The following GABRG2 variants were observed in gnomAD, a reference collection of about 807,000 sequenced individuals.
GABRG2 encodes gamma-aminobutyric acid type A receptor subunit gamma2, also known as gamma-aminobutyric acid receptor subunit gamma-2.
GABRG2 carries 16 observed loss-of-function variants against 56.4 expected under a neutral mutation model. That is an observed-to-expected ratio of 0.28 (90% CI 0.19 to 0.43). The LOEUF (loss-of-function observed/expected upper bound fraction) is 0.43. Among genes scored for constraint, GABRG2 ranks in the 20% least tolerant of loss-of-function variants. The pLI is 1.00. For synonymous variants in GABRG2, 208 were observed against 205.5 expected, an observed-to-expected ratio of 1.01 and a Z score of -0.10; for missense variants, 327 against 582.7, an observed-to-expected ratio of 0.56 and a Z score of 4.52.
chr5:162,142,111 G>A (rs2113597938), intron 6 of GABRG2, 53 bp from the exon 7 acceptor site: 1 of 1,580,062 alleles, frequency 6.3e-7, no homozygotes, highest in East Asian at 2.2e-5. Context: ...TAGTTTTAAT[G>A]TTTTCCAGTG....
chr5:162,096,062 C>T (rs1220589814), intron 3 of GABRG2, among the ~76,000 whole-genome samples: 1 of 151,588 alleles, frequency 6.6e-6, no homozygotes, highest in Non-Finnish European at 1.5e-5. Flanking sequence ...GAATGGAGTA[C>T]AACATAACAT....
intron 3 of GABRG2, 28 bp from the exon 4 acceptor site, chr5:162,097,610 T>C: frequency 6.7e-7 from 1 of 1,494,540 alleles, no homozygotes; most frequent in Admixed American, 1.7e-5. Flanking sequence ...TGTGTACAAA[T>C]TTTCTGTTTA....
chr5:162,138,237 T>C (rs1764286009), intron 6 of GABRG2, among the ~76,000 whole-genome samples: 1 of 152,226 alleles, frequency 6.6e-6, no homozygotes, highest in African/African-American at 2.4e-5. Context: ...TTTGGATCTT[T>C]GTTCCATCTT....
chr5:162,088,066 C>T (rs1760268221), intron 1 of GABRG2, among the ~76,000 whole-genome samples: 1 of 152,122 alleles, frequency 6.6e-6, no homozygotes, highest in African/African-American at 2.4e-5. Flanking sequence ...AGAGCACCCT[C>T]TGAACAGGTT....
intron 1 of GABRG2, among the ~76,000 whole-genome samples, chr5:162,068,947 G>C (rs1023777365): frequency 3.3e-5 from 5 of 152,136 alleles, no homozygotes; most frequent in Middle Eastern, 3.2e-3. Flanking sequence ...CCTTGCTGCA[G>C]TGTTGGAAAA....
intron 3 of GABRG2, among the ~76,000 whole-genome samples, chr5:162,097,395 G>C (rs1213848718): frequency 6.6e-6 from 1 of 152,110 alleles, no homozygotes; most frequent in Non-Finnish European, 1.5e-5. Context: ...TTGTATCAAG[G>C]CTATCCTCTT....
At chr5:162,069,240 G>C (rs896577791) in intron 1 of GABRG2, among the ~76,000 whole-genome samples, 2 of 152,178 alleles carry the variant, frequency 1.3e-5, no homozygotes, top group African/African-American at 4.8e-5. Flanking sequence ...CCAAAGCCAT[G>C]TTAGAGGTCC....
intron 9 of GABRG2, chr5:162,152,718 T>C (rs974997390): frequency 6.3e-6 from 3 of 479,358 alleles, no homozygotes; most frequent in Admixed American, 3.7e-5. Context: ...CATTTTTATT[T>C]CTCTGTTCCA....
chr5:162,130,584 C>T (rs529250889), intron 6 of GABRG2, among the ~76,000 whole-genome samples: 37 of 151,956 alleles, frequency 2.4e-4, no homozygotes, highest in South Asian at 8.3e-4. Context: ...TCTACTAATA[C>T]GCTTATTTCT....
intron 6 of GABRG2, among the ~76,000 whole-genome samples, chr5:162,107,777 A>G (rs1201832216): frequency 6.6e-6 from 1 of 152,138 alleles, no homozygotes; most frequent in Non-Finnish European, 1.5e-5. Context: ...GTGAACACTC[A>G]GAGTCATGTC....
chr5:162,091,364 A>G (rs1212207015), intron 1 of GABRG2, among the ~76,000 whole-genome samples: 2 of 152,002 alleles, frequency 1.3e-5, no homozygotes, highest in Non-Finnish European at 2.9e-5. Context: ...ATTGTCATGG[A>G]CTTATTTTCA....
At chr5:162,116,106 GTGCA>G (rs1762599319) in intron 6 of GABRG2, among the ~76,000 whole-genome samples, 1 of 129,490 alleles carries the variant, frequency 7.7e-6, no homozygotes, top group Non-Finnish European at 1.6e-5. Flanking sequence ...AGGGGTGTGC[GTGCA>G]TGTGTGTGTG....
intron 2 of GABRG2, chr5:162,094,217 A>G (rs554326626): frequency 6.0e-6 from 3 of 499,956 alleles, no homozygotes; most frequent in African/African-American, 5.8e-5. Flanking sequence ...AGAAATTCAC[A>G]TATTGCTAGA....
Position 162,133,068 on chromosome 5 carries a change from T to A in GABRG2, c.770-9096T>A, listed in dbSNP as rs375014678. Among the ~76,000 whole-genome samples, 21 of 152,024 alleles carry A rather than the reference T, an allele frequency of 1.4e-4. No individual in the cohort carries two copies. The East Asian group carries it at 3.7e-3, about 27-fold the overall frequency. On this transcript the variant is annotated intron_variant, in intron 6 of 9. Transcript: ENST00000639213. ...ATAGTGTATTACTGGCTTTCATGGA[T>A]GCATTAATATTAGTAGAAACAAGCA...
At chr5:162,088,582 T>C (rs1468956432) in intron 1 of GABRG2, among the ~76,000 whole-genome samples, 2 of 152,164 alleles carry the variant, frequency 1.3e-5, no homozygotes, top group Non-Finnish European at 2.9e-5. Flanking sequence ...ATGTCTTTTA[T>C]TGGACTCAGG....
intron 2 of GABRG2, 128 bp downstream of exon 2, chr5:162,094,107 A>T: frequency 9.4e-7 from 1 of 1,061,298 alleles, no homozygotes; most frequent in South Asian, 1.3e-5. Flanking sequence ...ATGTTGTAAA[A>T]GTAGTGTTTA....
rs148215078 is a variant in GABRG2, at chr5:162,102,601, G to T, written c.631+1284G>T. 3.5e-3 allele frequency: 1,595 copies of T among 453,872 alleles called. 34 individuals carry two copies. Among genetic ancestry groups the T allele is most frequent in the African/African-American group, 0.029 (1,450 of 50,002 alleles). 28.1% of individuals were successfully genotyped at this position (453,872 alleles called of 1,614,324 possible). A position where few individuals can be genotyped will look rare whatever the true frequency, so the allele number is the denominator to read the frequency against. On this transcript the variant is annotated intron_variant, in intron 5 of 9. Coordinates refer to ENST00000639213, the MANE Select transcript of GABRG2 (RefSeq NM_198904.4). ...TGGAATGTGCAGTGGTGTGATCTCG[G>T]CTCACTACAGCCTTCGCTTCTGGGG... is the stretch of plus-strand genomic sequence containing the variant.
chr5:162,101,262 A>G lies in GABRG2; in HGVS notation c.576A>G (p.Leu192=). 4.3e-6 allele frequency: 7 copies of G among 1,610,672 alleles called. No individual in the cohort carries two copies. Among genetic ancestry groups the G allele is most frequent in the Non-Finnish European group, 5.9e-6 (7 of 1,177,136 alleles). ...LRLTIDAECQ[L]QLHNFPMDEH... ...TGACAATTGATGCTGAGTGCCAATT[A>G]CAATTGCACAACTTTCCAATGGATG... Residue 192 remains leucine, a synonymous_variant, in exon 5 of 10, where the codon TTA becomes TTG. Transcript: ENST00000639213.
chr5:162,082,024 A>G (rs1759704962), intron 1 of GABRG2, among the ~76,000 whole-genome samples: 1 of 151,912 alleles, frequency 6.6e-6, no homozygotes, highest in Non-Finnish European at 1.5e-5. Flanking sequence ...GATCACATTC[A>G]GTTTTCTAGA....
Sources: gnomAD v4.1 joint callset for allele counts (sites outside exome capture counted in the v4.1 genomes callset) on GRCh38, gnomAD v4.1.1 for gene constraint, MANE v1.5 for transcripts, NCBI Gene and HGNC (gene_info 2026-07-23, HGNC 2026-07-21) for gene names.